Variants in TBC1D15 observed in about 807,000 individuals in gnomAD.
The protein encoded by TBC1D15 is TBC1 domain family member 15, also known as GAP for RAB7.
TBC1D15 carries 39 observed loss-of-function variants against 95.4 expected under a neutral mutation model. The ratio of observed to expected loss-of-function variants is 0.41; its 90% CI spans 0.32 to 0.53. The LOEUF is 0.53. TBC1D15 is among the 20% of genes least tolerant of loss of function. The pLI is 0.29. For synonymous variants in TBC1D15, 258 were observed against 261.3 expected (o/e 0.99, Z 0.12); for missense variants, 733 against 794.3 (o/e 0.92, Z 0.93).
chr12:71,893,669 A>T (rs1311606753), intron 6 of TBC1D15, among the ~76,000 whole-genome samples: 1 of 151,812 alleles, frequency 6.6e-6, no homozygotes, highest in Non-Finnish European at 1.5e-5. Flanking sequence ...TTCATTAATG[A>T]TCGGTTTAGG....
At chr12:71,849,222 C>T (rs1887143868) in intron 1 of TBC1D15, 4 of 498,014 alleles carry the variant, frequency 8.0e-6, no homozygotes, top group Non-Finnish European at 1.4e-5. Flanking sequence ...GGTTGTTCCT[C>T]ATGGTTTGTT....
chr12:71,858,745 T>G (rs1443653259), intron 1 of TBC1D15, among the ~76,000 whole-genome samples: 3 of 151,744 alleles, frequency 2.0e-5, no homozygotes, highest in Non-Finnish European at 2.9e-5. Context: ...TTTTTAGAGA[T>G]AGGGTTTCAC....
intron 6 of TBC1D15, chr12:71,894,256 G>A (rs1897745897): frequency 1.6e-6 from 2 of 1,277,378 alleles, no homozygotes; most frequent in South Asian, 1.3e-5. Flanking sequence ...TTTAAATTTA[G>A]CCATCAAATA....
In TBC1D15 at chr12:71,880,650, G is replaced by A. The variant is rs58333339; in HGVS notation, c.343+43G>A. 5.3e-3 allele frequency: 8,116 copies of A among 1,536,726 alleles called. 359 individuals are homozygous for A. In the African/African-American group the frequency reaches 0.095, roughly 18 times the overall value. ...TGAAATCTTAAACTGATTTGCTACAGTATACTAATAAACAAAAATGCAAAG... is the reference window on the plus strand; with the variant it reads ...TGAAATCTTAAACTGATTTGCTACAATATACTAATAAACAAAAATGCAAAG... On this transcript the variant is annotated intron_variant, in intron 4 of 16. Transcript: ENST00000485960.
At chr12:71,862,564 A>G (rs1890613451) in intron 1 of TBC1D15, among the ~76,000 whole-genome samples, 1 of 152,224 alleles carries the variant, frequency 6.6e-6, no homozygotes, top group Non-Finnish European at 1.5e-5. Flanking sequence ...TTAGCAGCAT[A>G]TAGTTGGGTC....
At chr12:71,898,120 T>C (rs1898590722) in intron 10 of TBC1D15, among the ~76,000 whole-genome samples, 179 bp downstream of exon 10, 1 of 152,102 alleles carries the variant, frequency 6.6e-6, no homozygotes. Context: ...ATAGGCATAT[T>C]AATTCAGTAA....
intron 11 of TBC1D15, chr12:71,907,344 A>G (rs1900978281): frequency 2.9e-6 from 1 of 343,988 alleles, no homozygotes; most frequent in Non-Finnish European, 5.3e-6. Flanking sequence ...GCACCATGGG[A>G]TATTTAAAAT....
chr12:71,873,112 C>A, intron 3 of TBC1D15, 109 bp downstream of exon 3: 1 of 727,302 alleles, frequency 1.4e-6, no homozygotes, highest in Non-Finnish European at 2.2e-6. Context: ...GCATACAATT[C>A]AGTGGTTTTT....
intron 1 of TBC1D15, among the ~76,000 whole-genome samples, chr12:71,867,001 A>G (rs1891642198): frequency 6.6e-6 from 1 of 152,250 alleles, no homozygotes; most frequent in African/African-American, 2.4e-5. Context: ...TGAATAAAAC[A>G]TAAGATCACA....
intron 5 of TBC1D15, among the ~76,000 whole-genome samples, chr12:71,887,256 CTA>C (rs1247975861): frequency 6.6e-6 from 1 of 152,116 alleles, no homozygotes; most frequent in Non-Finnish European, 1.5e-5. Flanking sequence ...ACTTGATCAA[CTA>C]TCAACTATTT....
chr12:71,896,354 T>G, intron 8 of TBC1D15: 1 of 424,642 alleles, frequency 2.4e-6, no homozygotes, highest in East Asian at 3.9e-5. Context: ...GTTCTGTGGG[T>G]TTTGTGAAGG....
intron 10 of TBC1D15, among the ~76,000 whole-genome samples, chr12:71,903,043 C>G (rs963181701): frequency 1.1e-4 from 17 of 152,112 alleles, no homozygotes; most frequent in Admixed American, 1.3e-4. Context: ...TCCCGGGTAG[C>G]TGGGATTACA....
intron 10 of TBC1D15, among the ~76,000 whole-genome samples, chr12:71,899,238 G>C (rs1898829492): frequency 6.6e-6 from 1 of 152,146 alleles, no homozygotes. Flanking sequence ...CCAGGAGACT[G>C]GTAGGAAAAT....
intron 1 of TBC1D15, chr12:71,849,178 AC>A (rs1282473272): frequency 3.3e-4 from 88 of 267,986 alleles, no homozygotes; most frequent in South Asian, 7.3e-4. Context: ...AAAAAAAAAA[AC>A]AAAAAAAAAA....
At chr12:71,857,002 T>C (rs1173246399) in intron 1 of TBC1D15, among the ~76,000 whole-genome samples, 1 of 152,234 alleles carries the variant, frequency 6.6e-6, no homozygotes, top group African/African-American at 2.4e-5. Flanking sequence ...TGTGATAACA[T>C]AGAAATGTTT....
chr12:71,860,058 A>C (rs1361690637), intron 1 of TBC1D15, among the ~76,000 whole-genome samples: 2 of 152,202 alleles, frequency 1.3e-5, no homozygotes, highest in East Asian at 3.8e-4. Flanking sequence ...GACTTTGTCA[A>C]AAATCAGTTG....
At chr12:71,878,776 CA>C (rs1894515731) in intron 3 of TBC1D15, among the ~76,000 whole-genome samples, 1 of 151,244 alleles carries the variant, frequency 6.6e-6, no homozygotes, top group Non-Finnish European at 1.5e-5. Flanking sequence ...CTTGGCCTCC[CA>C]AAGTGCTGGG....
At chr12:71,872,865 A>G (rs1892981302) in intron 2 of TBC1D15, 64 bp from the exon 3 acceptor site, 16 of 1,203,636 alleles carry the variant, frequency 1.3e-5, no homozygotes, top group Non-Finnish European at 1.8e-5. Context: ...GGGTTCAGGG[A>G]ATAAAATAAT....
intron 10 of TBC1D15, among the ~76,000 whole-genome samples, chr12:71,902,500 T>C (rs553037104): frequency 6.6e-6 from 1 of 152,206 alleles, no homozygotes; most frequent in African/African-American, 2.4e-5. Flanking sequence ...ATTCAATAAA[T>C]GTTCCTGGGA....
Sources: gnomAD v4.1 joint callset for allele counts (sites outside exome capture counted in the v4.1 genomes callset) on GRCh38, gnomAD v4.1.1 for gene constraint, MANE v1.5 for transcripts, NCBI Gene and HGNC (gene_info 2026-07-23, HGNC 2026-07-21) for gene names.